TCERG1L: variants seen among roughly 807,000 people sequenced by gnomAD.
TCERG1L encodes the protein transcription elongation regulator 1-like protein.
TCERG1L carries 37 observed loss-of-function variants against 56.3 expected under a neutral mutation model. The ratio of observed to expected loss-of-function variants is 0.66; its 90% confidence interval spans 0.51 to 0.87. The LOEUF (loss-of-function observed/expected upper bound fraction) is 0.87. Ranked by LOEUF, TCERG1L falls within the 40% of genes least tolerant of loss-of-function variation. The probability of loss-of-function intolerance (pLI) is 0.00; values close to 1 mark genes in which losing one functional copy is unlikely to be tolerated. For synonymous variants in TCERG1L, 324 were observed against 326.3 expected (o/e 0.99, Z 0.08); for missense variants, 799 against 774.2 (o/e 1.03, Z -0.38).
intron 4 of TCERG1L, among the ~76,000 whole-genome samples, chr10:131,227,321 G>A (rs1282331368): frequency 1.3e-5 from 2 of 152,210 alleles, no homozygotes; most frequent in South Asian, 2.1e-4. Context: ...AGCTGGGCTC[G>A]GAGCTGGCCA....
intron 4 of TCERG1L, among the ~76,000 whole-genome samples, chr10:131,259,901 C>G (rs952836187): frequency 6.6e-6 from 1 of 152,226 alleles, no homozygotes; most frequent in East Asian, 1.9e-4. Flanking sequence ...CCAGCCTGCA[C>G]GTCCCGTGCA....
chr10:131,178,196 G>A (rs1001710365), intron 4 of TCERG1L, among the ~76,000 whole-genome samples: 2 of 152,078 alleles, frequency 1.3e-5, no homozygotes, highest in South Asian at 2.1e-4. Context: ...CGGGGAGGTC[G>A]CCAGCTTTGC....
chr10:131,237,546 C>T (rs1051432087), intron 4 of TCERG1L, among the ~76,000 whole-genome samples: 1 of 152,190 alleles, frequency 6.6e-6, no homozygotes, highest in African/African-American at 2.4e-5. Flanking sequence ...TTTAATAATT[C>T]AGTTGCATTG....
chr10:131,203,241 T>C (rs1845464542), intron 4 of TCERG1L, among the ~76,000 whole-genome samples: 2 of 144,524 alleles, frequency 1.4e-5, no homozygotes, highest in Admixed American at 1.5e-4. Flanking sequence ...AGCTGGGTGG[T>C]AGATGACCTC....
intron 4 of TCERG1L, among the ~76,000 whole-genome samples, chr10:131,233,892 C>G (rs1845880308): frequency 6.6e-6 from 1 of 152,174 alleles, no homozygotes; most frequent in Non-Finnish European, 1.5e-5. Flanking sequence ...TGAATGCATT[C>G]TCGCTCTGGA....
At chr10:131,094,016 G>A (rs776373092) in intron 11 of TCERG1L, among the ~76,000 whole-genome samples, 21 of 152,258 alleles carry the variant, frequency 1.4e-4, no homozygotes, top group Non-Finnish European at 2.5e-4. Context: ...TGCCAGGCCA[G>A]GTGGTGCCCC....
chr10:131,296,638 T>A (rs1027244599), intron 3 of TCERG1L, among the ~76,000 whole-genome samples: 1 of 152,222 alleles, frequency 6.6e-6, no homozygotes, highest in Non-Finnish European at 1.5e-5. Context: ...AATTATTGCA[T>A]GGGCTTGTCA....
chr10:131,194,880 T>G (rs78563119), intron 4 of TCERG1L, among the ~76,000 whole-genome samples: 1 of 152,226 alleles, frequency 6.6e-6, no homozygotes, highest in East Asian at 1.9e-4. Context: ...TGATCATATG[T>G]TTTTGCCTGT....
At chr10:131,117,598 C>G (rs1343612566) in intron 8 of TCERG1L, among the ~76,000 whole-genome samples, 1 of 152,204 alleles carries the variant, frequency 6.6e-6, no homozygotes, top group Non-Finnish European at 1.5e-5. Context: ...CTGTGGGCAG[C>G]AGCAGGAGCT....
At chr10:131,188,899 A>G (rs1019565967) in intron 4 of TCERG1L, among the ~76,000 whole-genome samples, 2 of 152,166 alleles carry the variant, frequency 1.3e-5, no homozygotes, top group Non-Finnish European at 2.9e-5. Context: ...TATTTTACGC[A>G]TTTTCAGGCA....
At chr10:131,168,374 G>A (rs1481043714) in intron 4 of TCERG1L, among the ~76,000 whole-genome samples, 2 of 152,190 alleles carry the variant, frequency 1.3e-5, no homozygotes, top group Non-Finnish European at 2.9e-5. Context: ...GGGGCCAGCT[G>A]TCATGTCCTC....
rs113751901 is a variant in TCERG1L at position 131,167,056 on chromosome 10, G to A, written c.857-171C>T. On this transcript the variant is annotated intron_variant, in intron 4 of 11. Coordinates refer to ENST00000368642, the MANE Select transcript of TCERG1L (RefSeq NM_174937.4). ...CCTTGGGTTGAAGTCTAGTGACAAA[G>A]TTCTCATCCCAAAGCGAGGATGCAC... Among the ~76,000 whole-genome samples the A allele has an allele frequency of 1.1e-3, 166 of 152,368 alleles. 1 individual carries two copies. The highest frequency in any genetic ancestry group is 1.5e-3 in the Non-Finnish European group (104 of 68,042).
intron 8 of TCERG1L, among the ~76,000 whole-genome samples, chr10:131,132,472 C>A (rs548263148): frequency 1.3e-5 from 2 of 152,234 alleles, no homozygotes; most frequent in Non-Finnish European, 2.9e-5. Flanking sequence ...GCCAGTCCCA[C>A]GGGATGGGAG....
intron 4 of TCERG1L, among the ~76,000 whole-genome samples, chr10:131,253,096 C>T (rs11017844): frequency 0.06 from 9,110 of 152,278 alleles, 419 homozygotes; most frequent in East Asian, 0.22. Context: ...CATCCAGCCT[C>T]TCATGGGCTC....
At chr10:131,171,891 C>A (rs1385852026) in intron 4 of TCERG1L, among the ~76,000 whole-genome samples, 1 of 152,096 alleles carries the variant, frequency 6.6e-6, no homozygotes, top group Admixed American at 6.6e-5. Context: ...TTTTAACATT[C>A]AAAAGAGTTT....
At chr10:131,120,512 G>C (rs545344385) in intron 8 of TCERG1L, among the ~76,000 whole-genome samples, 6 of 152,220 alleles carry the variant, frequency 3.9e-5, no homozygotes, top group Admixed American at 6.5e-5. Context: ...TGCCCTGGCA[G>C]AGAAATGACA....
At chr10:131,275,234 C>A (rs891721199) in intron 3 of TCERG1L, among the ~76,000 whole-genome samples, 6 of 152,152 alleles carry the variant, frequency 3.9e-5, no homozygotes, top group Non-Finnish European at 8.8e-5. Flanking sequence ...TCACTGGGCC[C>A]CACCGCATGG....
chr10:131,306,802 A>G (rs1199842213), intron 3 of TCERG1L, among the ~76,000 whole-genome samples: 1 of 152,194 alleles, frequency 6.6e-6, no homozygotes, highest in East Asian at 1.9e-4. Context: ...TGGAAAATCT[A>G]TGAGAGGTGG....
intron 4 of TCERG1L, among the ~76,000 whole-genome samples, chr10:131,194,404 T>C (rs1369238837): frequency 6.6e-6 from 1 of 152,234 alleles, no homozygotes; most frequent in Non-Finnish European, 1.5e-5. Flanking sequence ...GCCTAGTGCC[T>C]AGTCCTTTTG....
Sources: gnomAD v4.1 joint callset for allele counts (sites outside exome capture counted in the v4.1 genomes callset) on GRCh38, gnomAD v4.1.1 for gene constraint, MANE v1.5 for transcripts, NCBI Gene and HGNC (gene_info 2026-07-23, HGNC 2026-07-21) for gene names.